The following GRM1 variants were observed in gnomAD, a reference collection of about 807,000 sequenced individuals.
The protein encoded by GRM1 is metabotropic glutamate receptor 1.
In GRM1, 33 loss-of-function variants were observed where a neutral mutation model predicts 90.9. The ratio of observed to expected loss-of-function variants is 0.36; its 90% CI spans 0.28 to 0.49. GRM1 has a LOEUF of 0.49. Ranked by LOEUF, GRM1 falls within the 20% of genes least tolerant of loss-of-function variation. The probability of loss-of-function intolerance (pLI) is 0.99; values close to 1 mark genes in which losing one functional copy is unlikely to be tolerated. For missense variants in GRM1, 1,190 were observed against 1,534.3 expected (o/e 0.78, Z 3.75); for synonymous variants, 700 against 613.2 (o/e 1.14, Z -2.09).
chr6:146,213,143 C>G (rs141054403), intron 2 of GRM1, among the ~76,000 whole-genome samples: 121 of 151,930 alleles, frequency 8.0e-4, no homozygotes, highest in African/African-American at 2.8e-3. Context: ...CTGAGATTCA[C>G]TTGGTTTAGG....
At position 146,304,592 on chromosome 6, in the gene GRM1, C is replaced by A. The variant is rs1201743151; in HGVS notation, c.951-19C>A. ...TGTTTGTCTTTCTCTCTCCCTACCC[C>A]AATCCCTGCATTTTTTAGTGATGGA... On this transcript the variant is annotated intron_variant, in intron 2 of 7. Coordinates refer to ENST00000282753, the MANE Select transcript of GRM1 (RefSeq NM_001278064.2). The A allele has an allele frequency of 8.6e-6, 13 of 1,518,122 alleles. No homozygotes were observed. Among genetic ancestry groups the A allele is most frequent in the Non-Finnish European group, 1.2e-5 (13 of 1,093,258 alleles). 94.0% of individuals were successfully genotyped at this position (1,518,122 alleles called of 1,614,324 possible). A position where few individuals can be genotyped will look rare whatever the true frequency, so the allele number is the denominator to read the frequency against.
At chr6:146,431,620 AC>A (rs1583491030) in intron 7 of GRM1, among the ~76,000 whole-genome samples, 2 of 152,324 alleles carry the variant, frequency 1.3e-5, no homozygotes, top group South Asian at 4.1e-4. Context: ...ACACACACAC[AC>A]ACAACTAAAT....
At chr6:146,124,767 A>G (rs554577308) in intron 1 of GRM1, among the ~76,000 whole-genome samples, 2 of 152,298 alleles carry the variant, frequency 1.3e-5, no homozygotes, top group African/African-American at 4.8e-5. Flanking sequence ...ATAACTTTAA[A>G]TGCATGCTTA....
chr6:146,193,691 CT>C (rs200332430), intron 2 of GRM1, among the ~76,000 whole-genome samples: 13 of 151,200 alleles, frequency 8.6e-5, no homozygotes, highest in East Asian at 1.9e-4. Flanking sequence ...TTGTTCTTAC[CT>C]TTTTTTTTAA....
At chr6:146,259,508 T>C (rs552413103) in intron 2 of GRM1, among the ~76,000 whole-genome samples, 1 of 152,270 alleles carries the variant, frequency 6.6e-6, no homozygotes, top group Admixed American at 6.5e-5. Flanking sequence ...TCTGCTTTTA[T>C]GAGTTTGACT....
intron 2 of GRM1, among the ~76,000 whole-genome samples, chr6:146,257,467 C>G (rs1436417279): frequency 3.3e-5 from 5 of 151,738 alleles, no homozygotes. Flanking sequence ...GAACACATAC[C>G]TACCTATATG....
At chr6:146,118,769 C>T (rs1470385294) in intron 1 of GRM1, among the ~76,000 whole-genome samples, 3 of 152,216 alleles carry the variant, frequency 2.0e-5, no homozygotes, top group Non-Finnish European at 4.4e-5. Context: ...AGGACATGAA[C>T]TCATCCTTTT....
At chr6:146,324,891 AATT>A (rs1306913852) in intron 3 of GRM1, among the ~76,000 whole-genome samples, 3 of 152,298 alleles carry the variant, frequency 2.0e-5, no homozygotes, top group Admixed American at 2.0e-4. Flanking sequence ...AGCCACCTAG[AATT>A]TTAAACTTAA....
chr6:146,371,152 C>T (rs1484407998), intron 5 of GRM1, among the ~76,000 whole-genome samples: 2 of 151,896 alleles, frequency 1.3e-5, no homozygotes, highest in South Asian at 2.1e-4. Context: ...TAAACATGGC[C>T]TCTTCTTTTG....
chr6:146,228,720 C>A (rs879474280), intron 2 of GRM1, among the ~76,000 whole-genome samples: 1 of 152,154 alleles, frequency 6.6e-6, no homozygotes, highest in East Asian at 1.9e-4. Context: ...GCAGTCCACA[C>A]CCTGTCAAAG....
At chr6:146,163,780 A>G (rs1028339456) in intron 2 of GRM1, among the ~76,000 whole-genome samples, 2 of 152,224 alleles carry the variant, frequency 1.3e-5, no homozygotes, top group African/African-American at 4.8e-5. Context: ...AGTATCTCCC[A>G]TGAGAAAATT....
chr6:146,129,771 G>A (rs145753131), intron 1 of GRM1, among the ~76,000 whole-genome samples: 3 of 152,286 alleles, frequency 2.0e-5, no homozygotes, highest in African/African-American at 7.2e-5. Flanking sequence ...GCAACAGAAA[G>A]GGCCCAATTT....
chr6:146,087,797 G>A (rs924211552), intron 1 of GRM1, among the ~76,000 whole-genome samples: 4 of 152,072 alleles, frequency 2.6e-5, no homozygotes, highest in African/African-American at 4.8e-5. Flanking sequence ...TTGGTTGAAT[G>A]GTATTCCATC....
At chr6:146,090,727 C>T (rs1192455627) in intron 1 of GRM1, among the ~76,000 whole-genome samples, 1 of 152,032 alleles carries the variant, frequency 6.6e-6, no homozygotes, top group Non-Finnish European at 1.5e-5. Context: ...ACGATAAAAG[C>T]CACAGAAATC....
chr6:146,343,009 G>A (rs1785037925), intron 3 of GRM1, among the ~76,000 whole-genome samples: 1 of 151,538 alleles, frequency 6.6e-6, no homozygotes, highest in African/African-American at 2.4e-5. Flanking sequence ...TTCTATCCAG[G>A]ATATCACATT....
intron 1 of GRM1, among the ~76,000 whole-genome samples, chr6:146,143,213 T>A (rs982429480): frequency 4.6e-5 from 7 of 152,222 alleles, no homozygotes; most frequent in Non-Finnish European, 1.0e-4. Context: ...TTCTTTGAAT[T>A]AAAGGAAACT....
chr6:146,221,017 C>T (rs1780040664), intron 2 of GRM1, among the ~76,000 whole-genome samples: 1 of 151,744 alleles, frequency 6.6e-6, no homozygotes, highest in African/African-American at 2.4e-5. Flanking sequence ...GCTATGAAAT[C>T]TACTGAAACC....
intron 5 of GRM1, among the ~76,000 whole-genome samples, chr6:146,370,490 T>G (rs756868953): frequency 6.6e-6 from 1 of 152,132 alleles, no homozygotes; most frequent in Non-Finnish European, 1.5e-5. Flanking sequence ...TATCTCTTCA[T>G]TGGCATTTTA....
chr6:146,426,712 T>C (rs996047590), intron 7 of GRM1: 40 of 766,200 alleles, frequency 5.2e-5, no homozygotes, highest in Non-Finnish European at 4.6e-5. Context: ...TTTTCCACTT[T>C]CTAACATGGA....
Sources: gnomAD v4.1 joint callset for allele counts (sites outside exome capture counted in the v4.1 genomes callset) on GRCh38, gnomAD v4.1.1 for gene constraint, MANE v1.5 for transcripts, NCBI Gene and HGNC (gene_info 2026-07-23, HGNC 2026-07-21) for gene names.